PCDHGB6: variants seen among roughly 807,000 people sequenced by gnomAD.
The protein encoded by PCDHGB6 is protocadherin gamma subfamily B, 6.
A neutral mutation model predicts 59.1 loss-of-function variants in PCDHGB6; 51 were observed. The observed-to-expected ratio is 0.86, with a 90% CI of 0.69 to 1.09. The LOEUF (loss-of-function observed/expected upper bound fraction) is 1.09, where lower values mean the gene tolerates loss of function less well. PCDHGB6 is among the 50% of genes least tolerant of loss of function. The probability of loss-of-function intolerance (pLI) is 0.00; values close to 1 mark genes in which losing one functional copy is unlikely to be tolerated. For synonymous variants in PCDHGB6, 466 were observed against 495.1 expected (o/e 0.94, Z 0.78); for missense variants, 1,148 against 1,205.1 (o/e 0.95, Z 0.70).
At chr5:141,460,435 A>G (rs1002182353) in intron 1 of PCDHGB6, among the ~76,000 whole-genome samples, 1 of 152,144 alleles carries the variant, frequency 6.6e-6, no homozygotes, top group Admixed American at 6.6e-5. Context: ...GTATGGTGTG[A>G]GGTAACAATG....
intron 1 of PCDHGB6, among the ~76,000 whole-genome samples, chr5:141,450,826 A>T (rs965147554): frequency 1.9e-4 from 26 of 134,356 alleles, no homozygotes; most frequent in East Asian, 6.4e-4. Context: ...TATTATTATT[A>T]TTATTTTTTT....
chr5:141,469,704 C>T (rs1038504640), intron 1 of PCDHGB6, among the ~76,000 whole-genome samples: 9 of 152,340 alleles, frequency 5.9e-5, no homozygotes, highest in African/African-American at 1.9e-4. Flanking sequence ...ACCTAGTAAT[C>T]ACACTATTAG....
intron 1 of PCDHGB6, among the ~76,000 whole-genome samples, chr5:141,448,287 C>G (rs1394399947): frequency 6.6e-6 from 1 of 152,130 alleles, no homozygotes; most frequent in Non-Finnish European, 1.5e-5. Flanking sequence ...GCAACTTGCT[C>G]TTTCCACTTA....
At chr5:141,447,371 C>G (rs1180989888) in intron 1 of PCDHGB6, among the ~76,000 whole-genome samples, 1 of 151,826 alleles carries the variant, frequency 6.6e-6, no homozygotes, top group African/African-American at 2.4e-5. Context: ...ACTCCTGACC[C>G]TGGTGATCTG....
In PCDHGB6 at chr5:141,410,117, C is replaced by T. The variant is rs768592770; in HGVS notation, c.1915C>T (p.Arg639Cys). The T allele has an allele frequency of 3.7e-6, 6 of 1,612,766 alleles. No homozygotes were observed. The highest frequency in any genetic ancestry group is 3.3e-5 in the Admixed American group (2 of 59,958). ...ARALGDRDAA[R>C]QRLLVAVRDG... Reference sequence around the variant, plus strand: ...AGCCTTAGGCGACAGGGACGCAGCCCGCCAGCGCCTGCTGGTCGCTGTGCG... The same window carrying T: ...AGCCTTAGGCGACAGGGACGCAGCCTGCCAGCGCCTGCTGGTCGCTGTGCG... Residue 639 changes from arginine (R) to cysteine (C), a missense_variant, in exon 1 of 4, where the codon CGC becomes TGC. Arg to Cys is a radical substitution (Grantham distance 180, BLOSUM62 -3). This residue lies in a region of PCDHGB6 where 549 missense variants were observed against 527.5 expected (regional missense o/e 1.04). Transcript: ENST00000520790.
intron 1 of PCDHGB6, 62 bp from the exon 2 acceptor site, chr5:141,494,745 G>T: frequency 1.2e-6 from 2 of 1,612,802 alleles, no homozygotes; most frequent in African/African-American, 1.3e-5. Context: ...ATCCCTAGGG[G>T]CTCGGGTGAC....
intron 1 of PCDHGB6, chr5:141,423,616 G>A: frequency 6.2e-7 from 1 of 1,609,594 alleles, no homozygotes; most frequent in Admixed American, 1.7e-5. Context: ...GATAGCTGAA[G>A]ACTCAGCTAT....
intron 3 of PCDHGB6, among the ~76,000 whole-genome samples, chr5:141,510,518 GC>G (rs2099881500): frequency 6.6e-6 from 1 of 152,112 alleles, no homozygotes; most frequent in Non-Finnish European, 1.5e-5. Context: ...CCGTGTCACA[GC>G]CCTGAGAGAA....
intron 1 of PCDHGB6, among the ~76,000 whole-genome samples, chr5:141,465,545 C>T (rs2099105349): frequency 6.6e-6 from 1 of 152,146 alleles, no homozygotes; most frequent in South Asian, 2.1e-4. Context: ...GGCATTTTTT[C>T]TGCTGAAGCT....
In PCDHGB6 at chr5:141,490,000, A is replaced by G. The variant is rs762999106; in HGVS notation, c.2419-4807A>G. The G allele has an allele frequency of 6.2e-7, 1 of 1,614,198 alleles. No individual in the cohort carries two copies. Among genetic ancestry groups the G allele is most frequent in the Admixed American group, 1.7e-5 (1 of 60,032 alleles). ...AGTTCTACGTGTGGGAATCCCAGAG[A>G]ATGCACCCATTGGTACTCTGCTGCT... On this transcript the variant is annotated intron_variant, in intron 1 of 3. Coordinates refer to ENST00000520790, the MANE Select transcript of PCDHGB6 (RefSeq NM_018926.3). The surrounding 1 kb of genome is among the most constrained non-coding windows in gnomAD (Gnocchi z 4.5).
At position 141,431,641 on chromosome 5, in the gene PCDHGB6, A is replaced by G. The variant is rs772686680; in HGVS notation, c.2418+21021A>G. ...ACAAGGCGGCCCAAGTTTTCAAACT[A>G]GATTGTAATTCAGGGACAATATCAA... is the stretch of plus-strand genomic sequence containing the variant. On this transcript the variant is annotated intron_variant, in intron 1 of 3. Coordinates refer to ENST00000520790, the MANE Select transcript of PCDHGB6 (RefSeq NM_018926.3). This position sits in a 1 kb window ranked among gnomAD's most constrained non-coding sequence, Gnocchi z 4.8. The G allele has an allele frequency of 6.2e-7, 1 of 1,614,270 alleles. No individual in the cohort carries two copies. Among genetic ancestry groups the G allele is most frequent in the South Asian group, 1.1e-5 (1 of 91,092 alleles).
chr5:141,427,568 T>A (rs1260622772), intron 1 of PCDHGB6: 1 of 660,576 alleles, frequency 1.5e-6, no homozygotes, highest in Admixed American at 2.1e-5. Flanking sequence ...AGGGCAAGCC[T>A]CCGCTCTCAT....
intron 1 of PCDHGB6, among the ~76,000 whole-genome samples, chr5:141,462,990 A>T (rs181384059): frequency 1.8e-3 from 278 of 152,244 alleles, no homozygotes; most frequent in Non-Finnish European, 3.4e-3. Context: ...GCCTTGGGCT[A>T]ATTTAGACCT....
Position 141,420,413 on chromosome 5 carries a change from A to G in PCDHGB6, c.2418+9793A>G, listed in dbSNP as rs191893876. 4 of 1,222,394 alleles carry G rather than the reference A, an allele frequency of 3.3e-6. No individual in the cohort carries two copies. In the Admixed American group the frequency reaches 1.1e-4, roughly 33 times the overall value. 75.7% of individuals were successfully genotyped at this position (1,222,394 alleles called of 1,614,324 possible). A position where few individuals can be genotyped will look rare whatever the true frequency, so the allele number is the denominator to read the frequency against. ...ATAGGTCAAATTTATGGTTATCATT[A>G]TTAAAACAAAAGTTTAAATTAAATG... On this transcript the variant is annotated intron_variant, in intron 1 of 3. Transcript: ENST00000520790.
intron 1 of PCDHGB6, among the ~76,000 whole-genome samples, chr5:141,437,036 G>A (rs916860661): frequency 6.6e-6 from 1 of 152,294 alleles, no homozygotes; most frequent in Middle Eastern, 3.4e-3. Flanking sequence ...ATGGATCACC[G>A]AAACCAGAAG....
chr5:141,479,845 A>T (rs895639749), intron 1 of PCDHGB6, among the ~76,000 whole-genome samples: 4 of 152,210 alleles, frequency 2.6e-5, no homozygotes, highest in Admixed American at 1.3e-4. Flanking sequence ...ATGCAAGGTG[A>T]CTGCAAGGCC....
chr5:141,410,682 C>T (rs1589771736), intron 1 of PCDHGB6, 62 bp downstream of exon 1: 2 of 1,531,954 alleles, frequency 1.3e-6, no homozygotes, highest in South Asian at 1.2e-5. Context: ...ATATTTTAGG[C>T]ATACTACTTT....
At chr5:141,412,936 A>T in intron 1 of PCDHGB6, 1 of 459,508 alleles carries the variant, frequency 2.2e-6, no homozygotes, top group African/African-American at 2.0e-5. Flanking sequence ...ACTTCTTAGG[A>T]CTCTGAGCGC....
chr5:141,505,528 C>T (rs746609783), intron 3 of PCDHGB6, 47 bp downstream of exon 3: 4 of 1,612,320 alleles, frequency 2.5e-6, no homozygotes, highest in Non-Finnish European at 3.4e-6. Context: ...ACCTGGGGTT[C>T]TGGGGTGCAT....
Sources: allele counts gnomAD v4.1 joint callset (sites outside exome capture counted in the v4.1 genomes callset), GRCh38; gene constraint gnomAD v4.1.1; regional missense constraint gnomAD v4.1.1; non-coding constraint Gnocchi (gnomAD v3.1); transcripts MANE v1.5; gene names NCBI Gene and HGNC (gene_info 2026-07-23, HGNC 2026-07-21).